The following RASAL2 variants were observed in gnomAD, a reference collection of about 807,000 sequenced individuals.
RASAL2 encodes the protein RAS protein activator like 2, also known as ras GTPase-activating protein nGAP.
Under a neutral mutation model 128.9 loss-of-function variants are expected in RASAL2, and 58 were observed. That is an observed-to-expected ratio of 0.45 (90% CI 0.36 to 0.56). The LOEUF (loss-of-function observed/expected upper bound fraction) is 0.56, where lower values mean the gene tolerates loss of function less well. RASAL2 is among the 20% of genes least tolerant of loss of function. RASAL2 has a pLI of 0.00. For missense variants in RASAL2, 1,360 were observed against 1,601.6 expected (o/e 0.85, Z 2.57); for synonymous variants, 561 against 580.8 (o/e 0.97, Z 0.49).
chr1:178,469,445 A>G (rs1648061626), intron 17 of RASAL2, among the ~76,000 whole-genome samples: 1 of 152,170 alleles, frequency 6.6e-6, no homozygotes, highest in Non-Finnish European at 1.5e-5. Flanking sequence ...GTGACTGGGT[A>G]TAAAGCAGAA....
intron 1 of RASAL2, among the ~76,000 whole-genome samples, chr1:178,158,514 G>A (rs971448008): frequency 2.0e-5 from 3 of 152,084 alleles, no homozygotes; most frequent in Non-Finnish European, 2.9e-5. Context: ...CAACAAAGTA[G>A]TTGACTAAGT....
At chr1:178,380,627 T>C (rs1672231157) in intron 3 of RASAL2, among the ~76,000 whole-genome samples, 1 of 152,190 alleles carries the variant, frequency 6.6e-6, no homozygotes, top group South Asian at 2.1e-4. Context: ...TATTTTTTAG[T>C]TGTTAAAATA....
intron 2 of RASAL2, among the ~76,000 whole-genome samples, chr1:178,287,220 T>C (rs1017730293): frequency 1.3e-5 from 2 of 151,654 alleles, no homozygotes; most frequent in Admixed American, 1.3e-4. Context: ...TTAATGTATC[T>C]GGAGAAAATT....
intron 1 of RASAL2, among the ~76,000 whole-genome samples, chr1:178,205,152 A>G (rs1293697705): frequency 2.0e-5 from 3 of 152,030 alleles, no homozygotes; most frequent in Admixed American, 6.6e-5. Flanking sequence ...TTATAGGCGT[A>G]CGCTTCCATG....
At chr1:178,413,507 A>G (rs1201470861) in intron 4 of RASAL2, among the ~76,000 whole-genome samples, 2 of 152,208 alleles carry the variant, frequency 1.3e-5, no homozygotes, top group Non-Finnish European at 2.9e-5. Context: ...ACATGACTAA[A>G]GGCTGGTTTA....
At chr1:178,198,983 G>A (rs1662770607) in intron 1 of RASAL2, among the ~76,000 whole-genome samples, 1 of 152,198 alleles carries the variant, frequency 6.6e-6, no homozygotes, top group African/African-American at 2.4e-5. Context: ...CCCAGTTCAA[G>A]GTTCCTGGCC....
chr1:178,185,958 G>T (rs934189341), intron 1 of RASAL2, among the ~76,000 whole-genome samples: 6 of 152,058 alleles, frequency 3.9e-5, no homozygotes, highest in African/African-American at 1.2e-4. Flanking sequence ...GTGGAGAATT[G>T]TTATTGCTTG....
At chr1:178,178,222 G>T (rs1018476799) in intron 1 of RASAL2, among the ~76,000 whole-genome samples, 6 of 152,116 alleles carry the variant, frequency 3.9e-5, no homozygotes, top group African/African-American at 7.2e-5. Flanking sequence ...TGGGAAATGT[G>T]TGTACCAACT....
chr1:178,218,799 A>G (rs183914402), intron 1 of RASAL2, among the ~76,000 whole-genome samples: 3 of 152,364 alleles, frequency 2.0e-5, no homozygotes, highest in Non-Finnish European at 2.9e-5. Flanking sequence ...TACGGGCCCT[A>G]GGATTTTTTG....
In RASAL2 at chr1:178,474,001, GT is replaced by G. The variant is rs1315601247; in HGVS notation, c.*767del. On this transcript the variant is annotated 3_prime_UTR_variant, in exon 18 of 18. Coordinates refer to ENST00000367649, the MANE Select transcript of RASAL2 (RefSeq NM_170692.4). ...CTTCTCTTTTAGACAGGGGCTTTTT[GT>G]TTTTAACCCCAATTGTAATAAAGGG... 1 of 152,228 alleles carries G rather than the reference GT, an allele frequency of 6.6e-6. No homozygotes were observed. The highest frequency in any genetic ancestry group is 2.4e-5 in the African/African-American group (1 of 41,410). 9.4% of individuals were successfully genotyped at this position (152,228 alleles called of 1,614,324 possible).
chr1:178,194,716 C>A, intron 1 of RASAL2: 1 of 177,294 alleles, frequency 5.6e-6, no homozygotes, highest in Non-Finnish European at 1.2e-5. Flanking sequence ...CCATCTTTTA[C>A]CCAACGCCGA....
Position 178,477,028 on chromosome 1 carries a change from T to C in RASAL2, c.*3789T>C, listed in dbSNP as rs1648720582. On this transcript the variant is annotated 3_prime_UTR_variant, in exon 18 of 18. Coordinates refer to ENST00000367649, the MANE Select transcript of RASAL2 (RefSeq NM_170692.4). ...CCATCAGTCTACCCCATTGTGACAT[T>C]GAGCCCAACACACACGCTTGACACC... is the stretch of plus-strand genomic sequence containing the variant. 6.6e-6 allele frequency: 1 copy of C among 152,632 alleles called. No individual in the cohort carries two copies. The highest frequency in any genetic ancestry group is 2.4e-5 in the African/African-American group (1 of 41,438). 9.5% of individuals were successfully genotyped at this position (152,632 alleles called of 1,614,324 possible).
At chr1:178,381,182 A>G (rs140312794) in intron 3 of RASAL2, among the ~76,000 whole-genome samples, 206 of 152,324 alleles carry the variant, frequency 1.4e-3, no homozygotes, top group African/African-American at 4.8e-3. Flanking sequence ...CTGACTATCT[A>G]AAGATCTCTA....
At chr1:178,184,077 T>C (rs575660461) in intron 1 of RASAL2, among the ~76,000 whole-genome samples, 1 of 152,302 alleles carries the variant, frequency 6.6e-6, no homozygotes, top group Admixed American at 6.5e-5. Flanking sequence ...TTTGTATGCA[T>C]ATTTGCTATC....
chr1:178,211,145 G>T (rs985660562), intron 1 of RASAL2, among the ~76,000 whole-genome samples: 4 of 152,158 alleles, frequency 2.6e-5, no homozygotes, highest in Non-Finnish European at 5.9e-5. Context: ...AAGCCCTCAA[G>T]CAAGAACTGC....
intron 3 of RASAL2, among the ~76,000 whole-genome samples, chr1:178,387,356 G>A (rs1378681418): frequency 6.6e-6 from 1 of 151,066 alleles, no homozygotes; most frequent in Non-Finnish European, 1.5e-5. Context: ...CCATAATACA[G>A]AAAGAGAATT....
chr1:178,439,665 T>C, intron 6 of RASAL2, 90 bp downstream of exon 6: 6 of 1,177,686 alleles, frequency 5.1e-6, no homozygotes, highest in Non-Finnish European at 5.8e-6. Flanking sequence ...GCTGTACAGT[T>C]GATGATTTAA....
intron 1 of RASAL2, among the ~76,000 whole-genome samples, chr1:178,186,863 G>T (rs1662320458): frequency 6.6e-6 from 1 of 150,414 alleles, no homozygotes; most frequent in Middle Eastern, 3.2e-3. Context: ...TCTCTGTGTT[G>T]CCCATGCTAG....
At chr1:178,322,020 A>G (rs767045881) in intron 3 of RASAL2, among the ~76,000 whole-genome samples, 3 of 150,744 alleles carry the variant, frequency 2.0e-5, no homozygotes, top group Non-Finnish European at 3.0e-5. Flanking sequence ...TTTGGTAGAG[A>G]TGGGGTCTCA....
Sources: allele counts gnomAD v4.1 joint callset (sites outside exome capture counted in the v4.1 genomes callset), GRCh38; gene constraint gnomAD v4.1.1; transcripts MANE v1.5; gene names NCBI Gene and HGNC (gene_info 2026-07-23, HGNC 2026-07-21).